PBX1: variants seen among roughly 807,000 people sequenced by gnomAD.
The protein encoded by PBX1 is PBX homeobox 1, also known as pre-B-cell leukemia transcription factor 1.
A neutral mutation model predicts 53.4 loss-of-function variants in PBX1; 6 were observed. That is an observed-to-expected ratio of 0.11 (90% CI 0.06 to 0.22). The LOEUF (loss-of-function observed/expected upper bound fraction) is 0.22. PBX1 is among the 10% of genes least tolerant of loss of function. The pLI, the probability that PBX1 is intolerant of heterozygous loss-of-function variation, is 1.00. For synonymous variants in PBX1, 204 were observed against 212.3 expected, an observed-to-expected ratio of 0.96 and a Z score of 0.34; for missense variants, 251 against 551.4, an observed-to-expected ratio of 0.46 and a Z score of 5.46.
At chr1:164,626,799 G>A (rs993992868) in intron 2 of PBX1, among the ~76,000 whole-genome samples, 2 of 151,926 alleles carry the variant, frequency 1.3e-5, no homozygotes, top group African/African-American at 4.8e-5. Flanking sequence ...CCACTTTCAG[G>A]GCCTCACTCC....
intron 2 of PBX1, among the ~76,000 whole-genome samples, chr1:164,705,257 A>G (rs1485990166): frequency 6.6e-6 from 1 of 152,222 alleles, no homozygotes; most frequent in African/African-American, 2.4e-5. Context: ...AGAACCATTC[A>G]TCTATACAGT....
At chr1:164,762,991 ATAT>A (rs1666886722) in intron 2 of PBX1, among the ~76,000 whole-genome samples, 1 of 152,214 alleles carries the variant, frequency 6.6e-6, no homozygotes, top group South Asian at 2.1e-4. Flanking sequence ...CTTTTCATGT[ATAT>A]TATCTCGATT....
At chr1:164,858,478 C>CAT (rs937615242) in intron 2 of PBX1, among the ~76,000 whole-genome samples, 3 of 149,174 alleles carry the variant, frequency 2.0e-5, no homozygotes, top group African/African-American at 7.4e-5. Context: ...CACACACACA[C>CAT]GCTGTGGCTG....
intron 2 of PBX1, among the ~76,000 whole-genome samples, chr1:164,861,493 A>G (rs943075764): frequency 6.6e-6 from 1 of 152,196 alleles, no homozygotes; most frequent in Non-Finnish European, 1.5e-5. Flanking sequence ...CAAATATTGA[A>G]CAAATACCTC....
intron 5 of PBX1, among the ~76,000 whole-genome samples, chr1:164,809,785 G>A (rs558916712): frequency 2.6e-5 from 4 of 152,018 alleles, no homozygotes; most frequent in South Asian, 4.2e-4. Context: ...TCTGAAATCC[G>A]CCTATTGACT....
At chr1:164,608,165 C>A (rs1202894192) in intron 2 of PBX1, among the ~76,000 whole-genome samples, 4 of 152,222 alleles carry the variant, frequency 2.6e-5, no homozygotes, top group African/African-American at 9.6e-5. Flanking sequence ...TTTCTCATGT[C>A]TGCATTAGGC....
chr1:164,637,420 G>A (rs1658847642), intron 2 of PBX1, among the ~76,000 whole-genome samples: 1 of 152,238 alleles, frequency 6.6e-6, no homozygotes, highest in African/African-American at 2.4e-5. Context: ...TGGTCGGACG[G>A]TGGCTGAGGC....
At chr1:164,789,660 C>CTGT (rs758776663) in intron 2 of PBX1, among the ~76,000 whole-genome samples, 12 of 152,136 alleles carry the variant, frequency 7.9e-5, no homozygotes, top group Non-Finnish European at 1.5e-4. Context: ...TTTTGCTTTG[C>CTGT]TGTTGTTGTT....
At chr1:164,637,921 A>T (rs1394088321) in intron 2 of PBX1, among the ~76,000 whole-genome samples, 2 of 152,190 alleles carry the variant, frequency 1.3e-5, no homozygotes, top group African/African-American at 4.8e-5. Flanking sequence ...TCAGGAGAAG[A>T]TTTGTGCAAC....
chr1:164,884,722 G>A (rs1672738228), intron 2 of PBX1, among the ~76,000 whole-genome samples: 1 of 152,148 alleles, frequency 6.6e-6, no homozygotes, highest in Non-Finnish European at 1.5e-5. Context: ...AAAAAACTCT[G>A]GTGAGCAGTG....
chr1:164,783,246 G>C (rs1396076759), intron 2 of PBX1, among the ~76,000 whole-genome samples: 1 of 152,058 alleles, frequency 6.6e-6, no homozygotes, highest in African/African-American at 2.4e-5. Context: ...AGCAAGAAAG[G>C]ACTATAAAGA....
At chr1:164,689,640 A>G (rs924305052) in intron 2 of PBX1, among the ~76,000 whole-genome samples, 6 of 152,224 alleles carry the variant, frequency 3.9e-5, no homozygotes, top group Non-Finnish European at 7.3e-5. Context: ...TCTGGGGCAC[A>G]TTTAACGTTA....
intron 2 of PBX1, among the ~76,000 whole-genome samples, chr1:164,646,525 A>G (rs1659462556): frequency 6.6e-6 from 1 of 152,126 alleles, no homozygotes; most frequent in Non-Finnish European, 1.5e-5. Context: ...ATGGGGAGAT[A>G]TGGCCAAACC....
chr1:164,857,128 C>A (rs1363552701), intron 2 of PBX1, among the ~76,000 whole-genome samples: 1 of 152,166 alleles, frequency 6.6e-6, no homozygotes, highest in African/African-American at 2.4e-5. Context: ...CACAAGCCTG[C>A]CCTCACATCA....
intron 2 of PBX1, among the ~76,000 whole-genome samples, chr1:164,743,426 T>G (rs985758598): frequency 6.6e-6 from 1 of 152,198 alleles, no homozygotes; most frequent in African/African-American, 2.4e-5. Flanking sequence ...TACTTGAAAT[T>G]TACATTCTAC....
intron 2 of PBX1, among the ~76,000 whole-genome samples, chr1:164,690,281 A>AGAC (rs1159538832): frequency 2.0e-5 from 3 of 152,084 alleles, no homozygotes; most frequent in South Asian, 2.1e-4. Context: ...TCAGACAGAC[A>AGAC]GACTGCTGTG....
chr1:164,652,844 C>G (rs1451525056), intron 2 of PBX1, among the ~76,000 whole-genome samples: 1 of 151,734 alleles, frequency 6.6e-6, no homozygotes, highest in Non-Finnish European at 1.5e-5. Flanking sequence ...CGCACCCCCA[C>G]CGCCATAGTT....
chr1:164,609,753 C>T (rs993039373), intron 2 of PBX1, among the ~76,000 whole-genome samples: 2 of 152,200 alleles, frequency 1.3e-5, no homozygotes, highest in African/African-American at 4.8e-5. Context: ...GAGGCAGAGA[C>T]TATTCTTACC....
At chr1:164,870,356 T>TCTTTCTTCCTTC (rs1553255712) in intron 2 of PBX1, among the ~76,000 whole-genome samples, 3 of 80,250 alleles carry the variant, frequency 3.7e-5, no homozygotes, top group African/African-American at 1.3e-4. Context: ...TTTCTTTCTT[T>TCTTTCTTCCTTC]CTTTCGAGAT....
Sources: gnomAD v4.1 joint callset for allele counts (sites outside exome capture counted in the v4.1 genomes callset) on GRCh38, gnomAD v4.1.1 for gene constraint, MANE v1.5 for transcripts, NCBI Gene and HGNC (gene_info 2026-07-23, HGNC 2026-07-21) for gene names.